DOCK5: variants seen among roughly 807,000 people sequenced by gnomAD.
DOCK5 encodes the protein dedicator of cytokinesis protein 5.
DOCK5 carries 142 observed loss-of-function variants against 251.8 expected under a neutral mutation model. The ratio of observed to expected loss-of-function variants is 0.56; its 90% CI spans 0.49 to 0.65. DOCK5 has a LOEUF of 0.65. DOCK5 is among the 30% of genes least tolerant of loss of function. The pLI is 0.00. For synonymous variants in DOCK5, 842 were observed against 835.5 expected, an observed-to-expected ratio of 1.01 and a Z score of -0.13; for missense variants, 2,111 against 2,312.3, an observed-to-expected ratio of 0.91 and a Z score of 1.79.
chr8:25,277,008 GT>G (rs1347477180), intron 4 of DOCK5: 1 of 152,256 alleles, frequency 6.6e-6, no homozygotes, highest in African/African-American at 2.4e-5. Flanking sequence ...ATGTTCACAT[GT>G]TTTACTTTGT....
chr8:25,400,072 C>T, intron 46 of DOCK5, 78 bp downstream of exon 46: 1 of 1,115,324 alleles, frequency 9.0e-7, no homozygotes, highest in Non-Finnish European at 1.3e-6. Context: ...CTTAAGTCTA[C>T]AAGCCCACTC....
At chr8:25,270,316 A>C (rs1803873550) in intron 3 of DOCK5, among the ~76,000 whole-genome samples, 1 of 152,222 alleles carries the variant, frequency 6.6e-6, no homozygotes, top group Admixed American at 6.5e-5. Flanking sequence ...AGAGTAAATG[A>C]GAACATGACA....
At chr8:25,322,054 T>C (rs1452718818) in intron 16 of DOCK5, among the ~76,000 whole-genome samples, 1 of 152,186 alleles carries the variant, frequency 6.6e-6, no homozygotes, top group Non-Finnish European at 1.5e-5. Flanking sequence ...TGTTTTCAGA[T>C]TGATCACAAA....
chr8:25,309,371 A>G (rs1320409966), intron 12 of DOCK5, among the ~76,000 whole-genome samples: 2 of 151,996 alleles, frequency 1.3e-5, no homozygotes, highest in African/African-American at 4.8e-5. Flanking sequence ...TTTTGTAGAG[A>G]TGGAGTCTCA....
rs1217384809 is a variant in DOCK5, at chr8:25,211,564, T to G, written c.43+26613T>G. On this transcript the variant is annotated intron_variant, in intron 1 of 51. Transcript: ENST00000276440. ...GCTCATGCTTGTAATCCCAACACTT[T>G]GGGAGGCTGAGGCGGAAGGATCACT... is the stretch of plus-strand genomic sequence containing the variant. Among the ~76,000 whole-genome samples, 6 of 70,820 alleles carry G rather than the reference T, an allele frequency of 8.5e-5. 2 individuals are homozygous for G. The highest frequency in any genetic ancestry group is 1.9e-4 in the Non-Finnish European group (4 of 21,562). The allele number at this position is 70,820 out of a possible 152,430, so 46.5% of individuals were successfully genotyped here.
chr8:25,187,231 G>GTATA (rs57297499), intron 1 of DOCK5, among the ~76,000 whole-genome samples: 11 of 140,998 alleles, frequency 7.8e-5, no homozygotes, highest in African/African-American at 2.7e-4. Flanking sequence ...ATATATATAC[G>GTATA]TATATATATA....
intron 27 of DOCK5, 132 bp from the exon 28 acceptor site, chr8:25,358,831 C>T (rs767703733): frequency 6.3e-5 from 46 of 735,914 alleles, no homozygotes; most frequent in East Asian, 4.3e-4. Context: ...TAGAATGCAG[C>T]GTGTTTCCAG....
In DOCK5 at chr8:25,308,914, AC is replaced by A. The variant is rs1805017410; in HGVS notation, c.1182del (p.His394GlnfsTer10). ...NKVIAAKEVN[H>X]KGQGLWVSLK... ...GTGATTGCAGCAAAGGAAGTGAATC[AC>A]AAAGGGCAAGGTACAGTCCAGTGCC... On this transcript the variant is annotated frameshift_variant, in exon 12 of 52. Coordinates refer to ENST00000276440, the MANE Select transcript of DOCK5 (RefSeq NM_024940.8). LOFTEE classifies it high-confidence loss of function. The A allele has an allele frequency of 6.2e-7, 1 of 1,613,696 alleles. No homozygotes were observed. The highest frequency in any genetic ancestry group is 1.3e-5 in the African/African-American group (1 of 74,920).
chr8:25,298,811 G>GGATTACAGGAATGAGCCACT, intron 7 of DOCK5, 133 bp from the exon 8 acceptor site: 1 of 988,578 alleles, frequency 1.0e-6, no homozygotes, highest in South Asian at 1.9e-5. Context: ...AGTAGCACTG[G>GGATTACAGGAATGAGCCACT]GATTACAGGA....
chr8:25,331,190 G>A (rs1662222060), intron 18 of DOCK5, among the ~76,000 whole-genome samples: 1 of 151,326 alleles, frequency 6.6e-6, no homozygotes, highest in African/African-American at 2.4e-5. Context: ...TAAACTAGGT[G>A]ATAATACAGT....
chr8:25,379,123 C>T lies in DOCK5; in HGVS notation c.3937-1182C>T, dbSNP rs1005964871. On this transcript the variant is annotated intron_variant, in intron 38 of 51. Coordinates refer to ENST00000276440, the MANE Select transcript of DOCK5 (RefSeq NM_024940.8). ...ACTCCTGAAGAGGGTCTATGTTCAG[C>T]GGTGCACGTATAGTCTTGATAAACA... 3.3e-5 allele frequency among the ~76,000 whole-genome samples: 5 copies of T among 152,228 alleles called. 1 individual carries two copies. Among genetic ancestry groups the T allele is most frequent in the East Asian group, 3.9e-4 (2 of 5,186 alleles).
intron 28 of DOCK5, among the ~76,000 whole-genome samples, chr8:25,361,614 G>GAAAT (rs1230940779): frequency 2.6e-5 from 4 of 152,086 alleles, no homozygotes; most frequent in Admixed American, 6.6e-5. Context: ...ACTCCATCTC[G>GAAAT]AAATAAATAA....
rs1800475139 is a variant in DOCK5 at position 25,351,843 on chromosome 8, T to G, written c.2850+17T>G. On this transcript the variant is annotated intron_variant, in intron 27 of 51. Transcript: ENST00000276440. ...CCCCACATCGTGAGTATCTCTTTGT[T>G]GGATCCCACGGCCGCTGCTGTTTCT... 1.6e-5 allele frequency: 26 copies of G among 1,608,588 alleles called. No homozygotes were observed. Among genetic ancestry groups the G allele is most frequent in the Non-Finnish European group, 2.2e-5 (26 of 1,176,028 alleles).
rs147237741 is a variant in DOCK5 at position 25,382,743 on chromosome 8, G to A, written c.4096G>A (p.Gly1366Arg). ...MRPQPEYFAV[G>R]YYGQGFPSFL... ...GCCTCAGCCTGAATACTTTGCTGTT[G>A]GATACTATGGACAGGGCTTTCCTTC... The change falls in exon 40 of 52, where the codon GGA (glycine) becomes AGA (arginine). Residue 1366 changes from glycine to arginine, a missense_variant. By Grantham distance (125) the Gly-to-Arg change is moderately radical (BLOSUM62 -2). Around this residue, in one of 3 missense-constraint regions of DOCK5, gnomAD observed 1,717 missense variants for 1,892.4 expected, o/e 0.91. Coordinates refer to ENST00000276440, the MANE Select transcript of DOCK5 (RefSeq NM_024940.8). The A allele has an allele frequency of 6.2e-6, 10 of 1,613,620 alleles. No homozygotes were observed. The African/African-American group carries it at 1.3e-4, about 22-fold the overall frequency.
chr8:25,366,579 T>A (rs1800780232), intron 30 of DOCK5, among the ~76,000 whole-genome samples: 1 of 152,200 alleles, frequency 6.6e-6, no homozygotes, highest in East Asian at 1.9e-4. Context: ...TTAGGACTTT[T>A]GAAACATAGT....
chr8:25,401,683 G>T (rs562814595), intron 47 of DOCK5, among the ~76,000 whole-genome samples: 1 of 151,498 alleles, frequency 6.6e-6, no homozygotes, highest in Non-Finnish European at 1.5e-5. Flanking sequence ...TCATTGAGCC[G>T]AGATCACACC....
chr8:25,369,332 GT>G (rs1428219879), intron 33 of DOCK5, among the ~76,000 whole-genome samples: 1 of 152,212 alleles, frequency 6.6e-6, no homozygotes, highest in African/African-American at 2.4e-5. Context: ...TGGATAATAT[GT>G]TTTTAATCAA....
At chr8:25,254,683 G>A (rs770400723) in intron 2 of DOCK5, among the ~76,000 whole-genome samples, 1 of 149,008 alleles carries the variant, frequency 6.7e-6, no homozygotes, top group African/African-American at 2.5e-5. Context: ...GCTGAGGCAG[G>A]AGAATTGCTT....
At chr8:25,229,068 CA>C (rs534068390) in intron 1 of DOCK5, among the ~76,000 whole-genome samples, 2,484 of 87,554 alleles carry the variant, frequency 0.028, 13 homozygotes, top group African/African-American at 0.053. Flanking sequence ...TCATGTCTAC[CA>C]AAAAAAAAAA....
Sources: allele counts gnomAD v4.1 joint callset (sites outside exome capture counted in the v4.1 genomes callset), GRCh38; gene constraint gnomAD v4.1.1; regional missense constraint gnomAD v4.1.1; transcripts MANE v1.5; gene names NCBI Gene and HGNC (gene_info 2026-07-23, HGNC 2026-07-21).